SNX29: variants seen among roughly 807,000 people sequenced by gnomAD.
The protein encoded by SNX29 is sorting nexin 29.
A neutral mutation model predicts 102.1 loss-of-function variants in SNX29; 78 were observed. The observed-to-expected ratio is 0.76, with a 90% CI of 0.64 to 0.92. The LOEUF (loss-of-function observed/expected upper bound fraction) is 0.92, where lower values mean the gene tolerates loss of function less well. Ranked by LOEUF, SNX29 falls within the 40% of genes least tolerant of loss-of-function variation. The probability of loss-of-function intolerance (pLI) is 0.00; values close to 1 mark genes in which losing one functional copy is unlikely to be tolerated. For synonymous variants in SNX29, 580 were observed against 414.5 expected (o/e 1.40, Z -4.85); for missense variants, 1,280 against 1,061.7 (o/e 1.21, Z -2.86).
intron 16 of SNX29, among the ~76,000 whole-genome samples, chr16:12,370,965 A>G (rs1040415201): frequency 1.3e-5 from 2 of 152,198 alleles, no homozygotes; most frequent in Non-Finnish European, 2.9e-5. Flanking sequence ...AGGGGTGGGC[A>G]CCACCTTGGT....
intron 18 of SNX29, among the ~76,000 whole-genome samples, chr16:12,420,004 A>G (rs1479191973): frequency 6.6e-6 from 1 of 152,174 alleles, no homozygotes; most frequent in South Asian, 2.1e-4. Flanking sequence ...GTTTGGTGAA[A>G]TATGTGCATC....
intron 20 of SNX29, among the ~76,000 whole-genome samples, chr16:12,533,793 C>G (rs2076995463): frequency 1.3e-5 from 2 of 152,230 alleles, no homozygotes; most frequent in Middle Eastern, 3.4e-3. Flanking sequence ...GAGTGCAGCT[C>G]ATAGGCCCCA....
At chr16:12,127,458 G>C in intron 12 of SNX29, among the ~76,000 whole-genome samples, 1 of 135,506 alleles carries the variant, frequency 7.4e-6, no homozygotes, top group Admixed American at 7.7e-5. Context: ...TTCTGGCTCT[G>C]TCACCCAGGC....
intron 19 of SNX29, among the ~76,000 whole-genome samples, chr16:12,514,700 A>G (rs188349948): frequency 2.0e-5 from 3 of 152,222 alleles, no homozygotes; most frequent in Non-Finnish European, 4.4e-5. Context: ...CCCCGTCTCT[A>G]GTAAAAATAG....
At chr16:12,138,596 A>G (rs200724337) in intron 13 of SNX29, among the ~76,000 whole-genome samples, 1 of 147,874 alleles carries the variant, frequency 6.8e-6, no homozygotes, top group Non-Finnish European at 1.5e-5. Flanking sequence ...ATAATGTAAA[A>G]TAAAACAAAA....
chr16:12,552,040 T>A (rs1173015587), intron 20 of SNX29, among the ~76,000 whole-genome samples: 2 of 151,898 alleles, frequency 1.3e-5, no homozygotes, highest in Non-Finnish European at 2.9e-5. Flanking sequence ...CAGGCTCAGA[T>A]GGGAAGGATT....
intron 11 of SNX29, among the ~76,000 whole-genome samples, chr16:12,104,880 G>A (rs2053167055): frequency 6.6e-6 from 1 of 152,248 alleles, no homozygotes; most frequent in South Asian, 2.1e-4. Flanking sequence ...AAATTGTACT[G>A]AAGAAAGCGA....
rs2079239396 is a variant in SNX29, at chr16:12,573,970, AG to A, written c.*5346del. On this transcript the variant is annotated 3_prime_UTR_variant, in exon 21 of 21. Transcript: ENST00000566228. ...ATGGAGGAGCGATGGTAACCCCACT[AG>A]GGGGCGCCCATGATCGGCTCCCAGT... 3 of 198,940 alleles carry A rather than the reference AG, an allele frequency of 1.5e-5. No individual in the cohort carries two copies. Among genetic ancestry groups the A allele is most frequent in the Admixed American group, 6.0e-5 (1 of 16,560 alleles). 12.3% of individuals were successfully genotyped at this position (198,940 alleles called of 1,614,324 possible).
At chr16:12,323,864 A>T (rs143245902) in intron 15 of SNX29, among the ~76,000 whole-genome samples, 3 of 152,346 alleles carry the variant, frequency 2.0e-5, no homozygotes, top group Admixed American at 6.5e-5. Flanking sequence ...CATGTATGAC[A>T]TGCAGTTGTT....
intron 14 of SNX29, among the ~76,000 whole-genome samples, chr16:12,218,344 A>G (rs1424320919): frequency 6.6e-6 from 1 of 152,220 alleles, no homozygotes; most frequent in Non-Finnish European, 1.5e-5. Context: ...ACGTATATCT[A>G]TTCTTCCTAT....
chr16:12,439,056 G>C (rs2085674567), intron 18 of SNX29, among the ~76,000 whole-genome samples: 1 of 152,198 alleles, frequency 6.6e-6, no homozygotes, highest in African/African-American at 2.4e-5. Context: ...GCAGGGCTCA[G>C]AGCACGTGAG....
intron 18 of SNX29, among the ~76,000 whole-genome samples, chr16:12,454,702 T>G (rs1395754002): frequency 6.6e-6 from 1 of 151,878 alleles, no homozygotes; most frequent in Non-Finnish European, 1.5e-5. Flanking sequence ...AGGAATGAAT[T>G]TATTTATTTA....
At chr16:12,299,804 A>T (rs894442580) in intron 15 of SNX29, among the ~76,000 whole-genome samples, 2 of 145,118 alleles carry the variant, frequency 1.4e-5, no homozygotes, top group Non-Finnish European at 3.0e-5. Flanking sequence ...TTTTTACTTA[A>T]CTACCTTGAT....
At chr16:12,501,739 A>G in intron 19 of SNX29, among the ~76,000 whole-genome samples, 1 of 151,436 alleles carries the variant, frequency 6.6e-6, no homozygotes, top group Admixed American at 6.6e-5. Context: ...AAAAAAAAAA[A>G]AAAAAAAAAA....
chr16:12,564,956 G>A (rs1041816822), intron 20 of SNX29, among the ~76,000 whole-genome samples: 2 of 148,710 alleles, frequency 1.3e-5, no homozygotes, highest in Non-Finnish European at 3.0e-5. Flanking sequence ...AAAAAAGGCT[G>A]TCATTGTAAA....
chr16:12,568,613 A>C lies in SNX29; in HGVS notation c.2426A>C (p.Gln809Pro), dbSNP rs772137184. ...QPRETRNVEPQSGDL is the reference protein window; with the variant it reads ...QPRETRNVEPPSGDL ...CGGGAGACCCGCAACGTGGAGCCCC[A>C]GAGCGGTGACCTCTGACCTCGACAA... The change falls in exon 21 of 21, where the codon CAG (glutamine) becomes CCG (proline). Residue 809 changes from glutamine (Q) to proline (P), a missense_variant. Gln to Pro is a moderately conservative substitution (Grantham distance 76). Transcript: ENST00000566228. 1 of 1,604,234 alleles carries C rather than the reference A, an allele frequency of 6.2e-7. No homozygotes were observed. Among genetic ancestry groups the C allele is most frequent in the East Asian group, 2.2e-5 (1 of 44,856 alleles).
At chr16:12,149,475 T>C (rs1341217566) in intron 13 of SNX29, among the ~76,000 whole-genome samples, 1 of 152,198 alleles carries the variant, frequency 6.6e-6, no homozygotes. Context: ...TTCACTTGTT[T>C]TGTTACCCGG....
At position 12,066,300 on chromosome 16, in the gene SNX29, A is replaced by G. The variant is rs567533096; in HGVS notation, c.1244-2757A>G. Among the ~76,000 whole-genome samples the G allele has an allele frequency of 3.3e-5, 5 of 152,276 alleles. No homozygotes were observed. The South Asian group carries it at 1.0e-3, about 32-fold the overall frequency. On this transcript the variant is annotated intron_variant, in intron 9 of 20. Transcript: ENST00000566228. ...GAGCCTTTGGACCACGGGGCAGTGG[A>G]CACGACTTGTGAGCCAAGAGGAGGA...
intron 20 of SNX29, chr16:12,560,647 C>T (rs3829530): frequency 6.5e-6 from 1 of 154,428 alleles, no homozygotes; most frequent in Non-Finnish European, 1.4e-5. Context: ...GTGCCACCAC[C>T]TAACTAGCAT....
Sources: allele counts gnomAD v4.1 joint callset (sites outside exome capture counted in the v4.1 genomes callset), GRCh38; gene constraint gnomAD v4.1.1; transcripts MANE v1.5; gene names NCBI Gene and HGNC (gene_info 2026-07-23, HGNC 2026-07-21).